Variants in LRRTM3 observed in about 807,000 individuals in gnomAD.
LRRTM3 encodes the protein leucine rich repeat transmembrane neuronal 3.
LRRTM3 carries 24 observed loss-of-function variants against 44.7 expected under a neutral mutation model. That is an observed-to-expected ratio of 0.54 (90% CI 0.39 to 0.76). The LOEUF (loss-of-function observed/expected upper bound fraction) is 0.76, where lower values mean the gene tolerates loss of function less well. Among genes scored for constraint, LRRTM3 ranks in the 30% least tolerant of loss-of-function variants. The probability of loss-of-function intolerance (pLI) is 0.00; values close to 1 mark genes in which losing one functional copy is unlikely to be tolerated. For synonymous variants in LRRTM3, 277 were observed against 278.7 expected (o/e 0.99, Z 0.06); for missense variants, 587 against 702.2 (o/e 0.84, Z 1.85).
At chr10:67,024,923 G>T (rs1012704365) in intron 2 of LRRTM3, among the ~76,000 whole-genome samples, 1 of 152,008 alleles carries the variant, frequency 6.6e-6, no homozygotes, top group Non-Finnish European at 1.5e-5. Context: ...CTGAGGTCCG[G>T]AGTTTGAGAC....
At chr10:67,045,001 G>A (rs1319170598) in intron 2 of LRRTM3, among the ~76,000 whole-genome samples, 2 of 152,176 alleles carry the variant, frequency 1.3e-5, no homozygotes, top group South Asian at 4.2e-4. Context: ...TCTAGGAGAC[G>A]CTCAATAAAT....
chr10:67,051,759 T>C (rs1172641203), intron 2 of LRRTM3, among the ~76,000 whole-genome samples: 1 of 2,746 alleles, frequency 3.6e-4, no homozygotes. Flanking sequence ...TATCCTACAA[T>C]TTTTTTTTTT....
At chr10:67,075,380 G>A (rs1435563213) in intron 2 of LRRTM3, among the ~76,000 whole-genome samples, 1 of 152,168 alleles carries the variant, frequency 6.6e-6, no homozygotes, top group Admixed American at 6.5e-5. Context: ...TACCCTGAGA[G>A]AGATGCCAGT....
intron 2 of LRRTM3, among the ~76,000 whole-genome samples, chr10:66,934,505 C>A (rs1463307856): frequency 1.3e-5 from 2 of 152,160 alleles, no homozygotes; most frequent in African/African-American, 4.8e-5. Flanking sequence ...TTAAAGCTGG[C>A]TGACACTTCT....
At chr10:67,006,458 C>A (rs1416173221) in intron 2 of LRRTM3, among the ~76,000 whole-genome samples, 1 of 152,034 alleles carries the variant, frequency 6.6e-6, no homozygotes, top group Non-Finnish European at 1.5e-5. Context: ...GTAATTTTAT[C>A]TTCATTTGCT....
Position 66,926,505 on chromosome 10 carries a change from C to A in LRRTM3, c.-79C>A. 1 of 1,541,554 alleles carries A rather than the reference C, an allele frequency of 6.5e-7. No homozygotes were observed. The highest frequency in any genetic ancestry group is 1.1e-5 in the South Asian group (1 of 88,154). ...CAGCGAGCCCTGACTCACTACAGTG[C>A]AGCTGACAGGGGCTGTCATGCAACT... On this transcript the variant is annotated 5_prime_UTR_variant, in exon 1 of 3. Coordinates refer to ENST00000361320, the MANE Select transcript of LRRTM3 (RefSeq NM_178011.5).
chr10:66,973,828 T>A (rs968224531), intron 2 of LRRTM3, among the ~76,000 whole-genome samples: 2 of 152,154 alleles, frequency 1.3e-5, no homozygotes, highest in Non-Finnish European at 2.9e-5. Flanking sequence ...TTCACCATGT[T>A]GGCCAGGCTG....
intron 2 of LRRTM3, among the ~76,000 whole-genome samples, chr10:67,054,024 A>T (rs1855276121): frequency 6.6e-6 from 1 of 152,142 alleles, no homozygotes; most frequent in African/African-American, 2.4e-5. Context: ...GAGCCCACTG[A>T]CCAGTTTCCT....
chr10:66,957,140 T>C (rs568287707), intron 2 of LRRTM3, among the ~76,000 whole-genome samples: 50 of 152,234 alleles, frequency 3.3e-4, no homozygotes, highest in Admixed American at 1.8e-3. Flanking sequence ...AAACAGGTTA[T>C]GTGAAGTCTT....
At chr10:67,095,179 C>A (rs1386121737) in intron 2 of LRRTM3, among the ~76,000 whole-genome samples, 2 of 151,522 alleles carry the variant, frequency 1.3e-5, no homozygotes, top group African/African-American at 4.8e-5. Flanking sequence ...TCAGATATGG[C>A]TAGCTGTTAC....
chr10:66,942,482 C>T (rs10822947), intron 2 of LRRTM3, among the ~76,000 whole-genome samples: 90,057 of 151,628 alleles, frequency 0.59, 28,321 homozygotes, highest in Admixed American at 0.69. Flanking sequence ...ATTTCCATTT[C>T]ATAAACATTA....
chr10:67,080,971 T>C (rs192839511), intron 2 of LRRTM3, among the ~76,000 whole-genome samples: 8 of 151,952 alleles, frequency 5.3e-5, no homozygotes, highest in African/African-American at 1.9e-4. Flanking sequence ...TGAAGTAACT[T>C]ACCTAAAGCT....
intron 2 of LRRTM3, among the ~76,000 whole-genome samples, chr10:67,011,699 A>AC: frequency 6.6e-6 from 1 of 152,320 alleles, no homozygotes; most frequent in Admixed American, 6.5e-5. Flanking sequence ...GCTTACATGT[A>AC]CCAGGTACTT....
At chr10:66,940,248 C>T (rs147453369) in intron 2 of LRRTM3, among the ~76,000 whole-genome samples, 2 of 152,132 alleles carry the variant, frequency 1.3e-5, no homozygotes, top group Non-Finnish European at 2.9e-5. Context: ...GCCTATAGGC[C>T]CAGCACTTTG....
At chr10:66,991,744 A>C (rs2042986720) in intron 2 of LRRTM3, among the ~76,000 whole-genome samples, 1 of 152,196 alleles carries the variant, frequency 6.6e-6, no homozygotes, top group South Asian at 2.1e-4. Context: ...AACATTTGCC[A>C]GAACTCTGTG....
At chr10:66,965,748 A>G (rs1160930330) in intron 2 of LRRTM3, among the ~76,000 whole-genome samples, 1 of 152,054 alleles carries the variant, frequency 6.6e-6, no homozygotes, top group Non-Finnish European at 1.5e-5. Flanking sequence ...TTCTTTGCTC[A>G]GTCAAAGGCC....
intron 2 of LRRTM3, among the ~76,000 whole-genome samples, chr10:67,065,650 C>A (rs1224588833): frequency 6.6e-6 from 1 of 152,036 alleles, no homozygotes; most frequent in African/African-American, 2.4e-5. Context: ...TTCTCCAGTG[C>A]CTGGTCCTCC....
intron 2 of LRRTM3, among the ~76,000 whole-genome samples, chr10:66,975,582 A>T (rs1564806387): frequency 6.6e-6 from 1 of 152,168 alleles, no homozygotes; most frequent in East Asian, 1.9e-4. Flanking sequence ...GCACTATCCA[A>T]TTCTATGAGT....
intron 2 of LRRTM3, among the ~76,000 whole-genome samples, chr10:67,044,016 G>A (rs1393352506): frequency 2.0e-5 from 3 of 151,790 alleles, no homozygotes; most frequent in Non-Finnish European, 4.4e-5. Flanking sequence ...TGATGCTGAG[G>A]TTTGGGGACA....
Sources: gnomAD v4.1 joint callset for allele counts (sites outside exome capture counted in the v4.1 genomes callset) on GRCh38, gnomAD v4.1.1 for gene constraint, MANE v1.5 for transcripts, NCBI Gene and HGNC (gene_info 2026-07-23, HGNC 2026-07-21) for gene names.